The following CADPS variants were observed in gnomAD, a reference collection of about 807,000 sequenced individuals.
CADPS encodes calcium dependent secretion activator.
CADPS carries 57 observed loss-of-function variants against 167.3 expected under a neutral mutation model. The ratio of observed to expected loss-of-function variants is 0.34; its 90% CI spans 0.28 to 0.42. CADPS has a LOEUF of 0.42. Among genes scored for constraint, CADPS ranks in the 20% least tolerant of loss-of-function variants. The pLI, the probability that CADPS is intolerant of heterozygous loss-of-function variation, is 1.00. For missense variants in CADPS, 1,414 were observed against 1,738.1 expected, an observed-to-expected ratio of 0.81 and a Z score of 3.32; for synonymous variants, 676 against 635.3, an observed-to-expected ratio of 1.06 and a Z score of -0.96.
intron 13 of CADPS, among the ~76,000 whole-genome samples, chr3:62,521,365 C>T (rs2070542071): frequency 1.3e-5 from 2 of 152,186 alleles, no homozygotes; most frequent in South Asian, 2.1e-4. Flanking sequence ...CTATGAATCC[C>T]TTCCAAAAGT....
intron 3 of CADPS, among the ~76,000 whole-genome samples, chr3:62,721,962 A>G (rs1327393994): frequency 1.3e-5 from 2 of 152,212 alleles, no homozygotes; most frequent in Non-Finnish European, 2.9e-5. Flanking sequence ...ACATCACCAC[A>G]GTAATAGAAA....
chr3:62,858,992 G>A (rs906840835), intron 1 of CADPS, among the ~76,000 whole-genome samples: 1 of 152,158 alleles, frequency 6.6e-6, no homozygotes, highest in African/African-American at 2.4e-5. Context: ...GTATTGAGTA[G>A]TAGATTGTGC....
At chr3:62,645,357 T>C (rs900429735) in intron 6 of CADPS, among the ~76,000 whole-genome samples, 1 of 152,132 alleles carries the variant, frequency 6.6e-6, no homozygotes, top group Admixed American at 6.5e-5. Flanking sequence ...AATGAAAACA[T>C]TTTTATGTCT....
chr3:62,475,743 C>T (rs180979737), intron 23 of CADPS, among the ~76,000 whole-genome samples: 5 of 152,182 alleles, frequency 3.3e-5, no homozygotes, highest in South Asian at 4.1e-4. Flanking sequence ...TTTTAAGCTA[C>T]GCTGAAAATA....
chr3:62,766,367 G>C (rs1348660264), intron 1 of CADPS, among the ~76,000 whole-genome samples: 1 of 152,062 alleles, frequency 6.6e-6, no homozygotes, highest in African/African-American at 2.4e-5. Context: ...ATTCAGTGTT[G>C]TCTCAGTGGC....
chr3:62,649,670 C>A (rs2069562302), intron 5 of CADPS, among the ~76,000 whole-genome samples: 1 of 148,288 alleles, frequency 6.7e-6, no homozygotes, highest in Admixed American at 6.8e-5. Context: ...AATTGATCCT[C>A]CCACCTCAGC....
chr3:62,418,883 C>T (rs992222756), intron 28 of CADPS, among the ~76,000 whole-genome samples: 1 of 152,076 alleles, frequency 6.6e-6, no homozygotes, highest in Non-Finnish European at 1.5e-5. Flanking sequence ...ACTTCTGAAA[C>T]TGCGGAATGT....
intron 3 of CADPS, among the ~76,000 whole-genome samples, chr3:62,671,289 T>C (rs57125222): frequency 1.3e-5 from 2 of 152,018 alleles, no homozygotes; most frequent in Non-Finnish European, 2.9e-5. Flanking sequence ...GTTTTTTTTT[T>C]AATGGATTAT....
At chr3:62,703,280 G>A (rs1308119728) in intron 3 of CADPS, among the ~76,000 whole-genome samples, 4 of 152,094 alleles carry the variant, frequency 2.6e-5, no homozygotes, top group Non-Finnish European at 5.9e-5. Flanking sequence ...CCCAATGAAT[G>A]AATAAATTCT....
At chr3:62,487,676 C>T (rs2063050417) in intron 21 of CADPS, among the ~76,000 whole-genome samples, 1 of 152,178 alleles carries the variant, frequency 6.6e-6, no homozygotes. Flanking sequence ...GGAAAGGCTG[C>T]CATAGGACTC....
At chr3:62,592,487 C>T (rs529092637) in intron 7 of CADPS, 150 bp downstream of exon 7, 8 of 601,140 alleles carry the variant, frequency 1.3e-5, no homozygotes, top group South Asian at 1.1e-4. Flanking sequence ...CTTAAGGTCA[C>T]CCAGCCAATG....
At chr3:62,772,993 G>A (rs1214324053) in intron 1 of CADPS, among the ~76,000 whole-genome samples, 1 of 151,830 alleles carries the variant, frequency 6.6e-6, no homozygotes, top group Non-Finnish European at 1.5e-5. Context: ...TTTTAAAAAA[G>A]AAATCATTAT....
rs71631127 is a variant in CADPS, at chr3:62,721,134, TAA to T, written c.888+32305_888+32306del. 2.1e-3 allele frequency among the ~76,000 whole-genome samples: 243 copies of T among 116,194 alleles called. 1 individual carries two copies. Among genetic ancestry groups the T allele is most frequent in the African/African-American group, 8.1e-3 (234 of 28,968 alleles). The allele number at this position is 116,194 out of a possible 152,430, so 76.2% of individuals were successfully genotyped here. A position where few individuals can be genotyped will look rare whatever the true frequency, so the allele number is the denominator to read the frequency against. ...GCCCGGCAGGTTTTTTTTTTTTTTT[TAA>T]AAAAAAAAAGAAGAAAAAAGAAAAA... is the stretch of plus-strand genomic sequence containing the variant. On this transcript the variant is annotated intron_variant, in intron 3 of 29. Coordinates refer to ENST00000383710, the MANE Select transcript of CADPS (RefSeq NM_003716.4).
At chr3:62,639,570 C>G (rs1326094421) in intron 6 of CADPS, among the ~76,000 whole-genome samples, 2 of 152,180 alleles carry the variant, frequency 1.3e-5, no homozygotes, top group African/African-American at 4.8e-5. Flanking sequence ...CACTCTAATA[C>G]TAAAGCCTGG....
intron 2 of CADPS, among the ~76,000 whole-genome samples, chr3:62,760,741 G>A (rs2085196779): frequency 6.6e-6 from 1 of 152,040 alleles, no homozygotes; most frequent in Admixed American, 6.6e-5. Context: ...AAAATATATT[G>A]CTTCATTTTA....
At chr3:62,745,960 T>G (rs149502499) in intron 3 of CADPS, among the ~76,000 whole-genome samples, 53 of 152,364 alleles carry the variant, frequency 3.5e-4, no homozygotes, top group African/African-American at 1.2e-3. Flanking sequence ...CATTAAGTGC[T>G]GTATAAACAG....
At chr3:62,579,000 A>G (rs1349374895) in intron 8 of CADPS, among the ~76,000 whole-genome samples, 1 of 152,234 alleles carries the variant, frequency 6.6e-6, no homozygotes, top group Non-Finnish European at 1.5e-5. Flanking sequence ...ACAGTGGTAC[A>G]GCTACAGAAA....
chr3:62,645,213 G>T (rs143427655), intron 6 of CADPS, among the ~76,000 whole-genome samples: 1 of 151,862 alleles, frequency 6.6e-6, no homozygotes, highest in Non-Finnish European at 1.5e-5. Flanking sequence ...GAGTGGGAAG[G>T]GGGTAACGGA....
At chr3:62,549,419 G>C (rs1229667919) in intron 11 of CADPS, among the ~76,000 whole-genome samples, 2 of 146,550 alleles carry the variant, frequency 1.4e-5, no homozygotes, top group African/African-American at 5.0e-5. Flanking sequence ...TTTTAGCTCG[G>C]AATGGGATTT....
Sources: allele counts gnomAD v4.1 joint callset (sites outside exome capture counted in the v4.1 genomes callset), GRCh38; gene constraint gnomAD v4.1.1; transcripts MANE v1.5; gene names NCBI Gene and HGNC (gene_info 2026-07-23, HGNC 2026-07-21).